The following DSE variants were observed in gnomAD, a reference collection of about 807,000 sequenced individuals.
The protein encoded by DSE is dermatan sulfate epimerase.
DSE carries 36 observed loss-of-function variants against 84.4 expected under a neutral mutation model. That is an observed-to-expected ratio of 0.43 (90% CI 0.33 to 0.56). The LOEUF (loss-of-function observed/expected upper bound fraction) is 0.56. DSE is among the 20% of genes least tolerant of loss of function. The probability of loss-of-function intolerance (pLI) is 0.06; values close to 1 mark genes in which losing one functional copy is unlikely to be tolerated. For missense variants in DSE, 862 were observed against 1,169.6 expected (o/e 0.74, Z 3.84); for synonymous variants, 410 against 430.1 (o/e 0.95, Z 0.58).
chr6:116,270,686 A>G (rs1291838672), intron 2 of DSE, among the ~76,000 whole-genome samples: 1 of 152,228 alleles, frequency 6.6e-6, no homozygotes, highest in East Asian at 1.9e-4. Context: ...TAACATAAAC[A>G]TATCCCTTTT....
intron 2 of DSE, among the ~76,000 whole-genome samples, chr6:116,345,468 T>C: frequency 6.6e-6 from 1 of 152,126 alleles, no homozygotes. Flanking sequence ...AGAAACTCAC[T>C]TAAAACTGCT....
intron 2 of DSE, among the ~76,000 whole-genome samples, chr6:116,296,620 A>G (rs984888045): frequency 1.2e-4 from 18 of 152,232 alleles, no homozygotes; most frequent in African/African-American, 4.3e-4. Flanking sequence ...TAGGAATTAC[A>G]TTATAAGTGG....
chr6:116,349,398 T>C (rs1778184949), intron 2 of DSE, among the ~76,000 whole-genome samples: 1 of 152,226 alleles, frequency 6.6e-6, no homozygotes, highest in South Asian at 2.1e-4. Flanking sequence ...GCTTTCAAGC[T>C]GACTCAAGCT....
intron 2 of DSE, among the ~76,000 whole-genome samples, chr6:116,299,581 T>C (rs72958026): frequency 0.098 from 11,771 of 120,654 alleles, 1,027 homozygotes; most frequent in Admixed American, 0.19. Context: ...CACATACATA[T>C]ATATGTATGT....
rs577834283 is a variant in DSE, at chr6:116,430,997, C to T, written c.714C>T (p.Thr238=). The change falls in exon 4 of 6, where the codon ACC becomes ACT. Residue 238 remains threonine, a synonymous_variant. Transcript: ENST00000644252. ...ACTTATGGACCAAACAAGTTCTGAC[C>T]ATCATGGAGAAATCTCTGGTCTTGC... The part of the protein sequence containing the change: ...EAYLWTKQVL[T]IMEKSLVLLR... The T allele has an allele frequency of 1.6e-4, 261 of 1,614,078 alleles. No homozygotes were observed. Among genetic ancestry groups the T allele is most frequent in the Non-Finnish European group, 2.2e-4 (258 of 1,180,024 alleles).
chr6:116,424,188 G>A (rs2079439204), intron 2 of DSE, among the ~76,000 whole-genome samples: 2 of 152,154 alleles, frequency 1.3e-5, no homozygotes, highest in South Asian at 4.1e-4. Context: ...TTCCCTGCCT[G>A]GCCCACCAGT....
intron 1 of DSE, among the ~76,000 whole-genome samples, chr6:116,394,064 G>T (rs1562277938): frequency 6.8e-6 from 1 of 146,372 alleles, no homozygotes; most frequent in African/African-American, 2.6e-5. Flanking sequence ...TTAAAGGAAA[G>T]AATCTTGGCT....
chr6:116,384,791 G>C (rs1002140738), intron 1 of DSE, among the ~76,000 whole-genome samples: 1 of 152,082 alleles, frequency 6.6e-6, no homozygotes, highest in Non-Finnish European at 1.5e-5. Context: ...TTATGTGCTG[G>C]AGATATAGCA....
intron 2 of DSE, among the ~76,000 whole-genome samples, chr6:116,293,567 C>G (rs112206245): frequency 2.0e-4 from 30 of 152,258 alleles, no homozygotes; most frequent in African/African-American, 7.0e-4. Context: ...ACTTAATTTA[C>G]TGGGTTGTAC....
intron 2 of DSE, among the ~76,000 whole-genome samples, chr6:116,351,013 A>G (rs915768520): frequency 6.6e-6 from 1 of 152,172 alleles, no homozygotes; most frequent in African/African-American, 2.4e-5. Flanking sequence ...CTTAAAAAAG[A>G]ATGTTCATTT....
intron 1 of DSE, among the ~76,000 whole-genome samples, chr6:116,390,765 CT>C (rs1241095088): frequency 6.6e-6 from 1 of 152,078 alleles, no homozygotes; most frequent in African/African-American, 2.4e-5. Context: ...CTCTTTTGGC[CT>C]TCTGTAAGCA....
chr6:116,256,978 T>G (rs1275919342), intron 1 of DSE, among the ~76,000 whole-genome samples: 1 of 152,186 alleles, frequency 6.6e-6, no homozygotes, highest in East Asian at 1.9e-4. Flanking sequence ...GAGGTAATTT[T>G]TATTTGCAAG....
chr6:116,284,233 TATC>T, intron 2 of DSE, among the ~76,000 whole-genome samples: 1 of 152,368 alleles, frequency 6.6e-6, no homozygotes, highest in East Asian at 1.9e-4. Flanking sequence ...AGGTAGGTTT[TATC>T]ATTATAATTA....
chr6:116,274,351 C>T (rs532434945), intron 2 of DSE, among the ~76,000 whole-genome samples: 2 of 151,990 alleles, frequency 1.3e-5, no homozygotes, highest in Admixed American at 6.5e-5. Flanking sequence ...CGCCTGAGGT[C>T]GGGAGTTTGA....
At chr6:116,390,651 A>C (rs1464912318) in intron 1 of DSE, among the ~76,000 whole-genome samples, 1 of 152,302 alleles carries the variant, frequency 6.6e-6, no homozygotes, top group Middle Eastern at 3.4e-3. Context: ...ATCAACTAAA[A>C]TTGTAATAAA....
intron 2 of DSE, among the ~76,000 whole-genome samples, chr6:116,327,829 T>C (rs1776710555): frequency 6.6e-6 from 1 of 152,240 alleles, no homozygotes; most frequent in Non-Finnish European, 1.5e-5. Context: ...AAAACTGTGT[T>C]CTTACACAAG....
chr6:116,325,212 G>C (rs1201109573), intron 2 of DSE, among the ~76,000 whole-genome samples: 1 of 152,220 alleles, frequency 6.6e-6, no homozygotes, highest in East Asian at 1.9e-4. Flanking sequence ...AAAAACCCTG[G>C]CGAGTGAGAC....
intron 2 of DSE, among the ~76,000 whole-genome samples, chr6:116,274,126 G>T (rs4946151): frequency 1.3e-5 from 2 of 151,550 alleles, no homozygotes; most frequent in East Asian, 3.9e-4. Context: ...CACCCTGCCC[G>T]GCTGCTTTTT....
chr6:116,345,399 G>A (rs1482648816), intron 2 of DSE, among the ~76,000 whole-genome samples: 12 of 152,000 alleles, frequency 7.9e-5, no homozygotes, highest in East Asian at 1.9e-4. Flanking sequence ...GTAAAAGAAC[G>A]GAAATTATAA....
Sources: gnomAD v4.1 joint callset for allele counts (sites outside exome capture counted in the v4.1 genomes callset) on GRCh38, gnomAD v4.1.1 for gene constraint, MANE v1.5 for transcripts, NCBI Gene and HGNC (gene_info 2026-07-23, HGNC 2026-07-21) for gene names.